The following TOP6BL variants were observed in gnomAD, a reference collection of about 807,000 sequenced individuals.
The protein encoded by TOP6BL is TOP6B like initiator of meiotic double strand breaks.
chr11:66,759,998 T>C, the TOP6BL span, among the ~76,000 whole-genome samples: 1 of 152,368 alleles, frequency 6.6e-6, no homozygotes, highest in East Asian at 1.9e-4. Context: ...TTATTTCTTA[T>C]GGTTGTTTGC....
chr11:66,835,313 C>A, the TOP6BL span, among the ~76,000 whole-genome samples: 1 of 130,532 alleles, frequency 7.7e-6, no homozygotes, highest in Admixed American at 7.5e-5. Context: ...TATCCTGTTT[C>A]TTTCTTTATG....
the TOP6BL span, chr11:66,839,010 C>CAAA: frequency 2.5e-5 from 10 of 404,976 alleles, no homozygotes; most frequent in East Asian, 7.3e-4. Flanking sequence ...GGATTACAGG[C>CAAA]GTGAGCCACC....
At chr11:66,827,340 G>A in the TOP6BL span, among the ~76,000 whole-genome samples, 50 of 152,016 alleles carry the variant, frequency 3.3e-4, no homozygotes, top group Non-Finnish European at 5.4e-4. Context: ...GTGAGCCACC[G>A]CGCCCAGCCC....
At chr11:66,823,294 C>CAAAAAAAA in the TOP6BL span, among the ~76,000 whole-genome samples, 3 of 41,282 alleles carry the variant, frequency 7.3e-5, no homozygotes, top group Non-Finnish European at 1.1e-4. Flanking sequence ...GACTCCACCT[C>CAAAAAAAA]AAAAAAAAAA....
At chr11:66,823,692 C>T in the TOP6BL span, among the ~76,000 whole-genome samples, 4 of 152,000 alleles carry the variant, frequency 2.6e-5, no homozygotes, top group South Asian at 4.2e-4. Flanking sequence ...TGGTGGTGCA[C>T]GCCTGTAGTC....
At chr11:66,808,911 A>G in the TOP6BL span, among the ~76,000 whole-genome samples, 10 of 152,232 alleles carry the variant, frequency 6.6e-5, no homozygotes, top group Admixed American at 6.5e-4. Context: ...CAATATTTAA[A>G]GAGTTAATGG....
At chr11:66,777,887 G>A in the TOP6BL span, among the ~76,000 whole-genome samples, 1 of 152,042 alleles carries the variant, frequency 6.6e-6, no homozygotes, top group African/African-American at 2.4e-5. Context: ...AAAAAGTTGT[G>A]TCTTGTAATG....
chr11:66,762,252 C>G, the TOP6BL span: 1 of 539,178 alleles, frequency 1.9e-6, no homozygotes, highest in Non-Finnish European at 3.4e-6. Context: ...CCGCAGAACA[C>G]GCGCGCAAAC....
At chr11:66,750,968 G>A in the TOP6BL span, among the ~76,000 whole-genome samples, 1 of 151,902 alleles carries the variant, frequency 6.6e-6, no homozygotes, top group East Asian at 1.9e-4. Flanking sequence ...GCCTCCCAAA[G>A]TGCTGGGATT....
chr11:66,784,636 C>T, the TOP6BL span, among the ~76,000 whole-genome samples: 1 of 152,230 alleles, frequency 6.6e-6, no homozygotes, highest in Non-Finnish European at 1.5e-5. Flanking sequence ...TGGAATCATA[C>T]AATATGTAGC....
At chr11:66,753,128 C>G in the TOP6BL span, among the ~76,000 whole-genome samples, 1 of 151,214 alleles carries the variant, frequency 6.6e-6, no homozygotes, top group Non-Finnish European at 1.5e-5. Context: ...GACTCCGTCT[C>G]CAAAAAAAAA....
At chr11:66,799,090 C>G in the TOP6BL span, among the ~76,000 whole-genome samples, 3 of 151,858 alleles carry the variant, frequency 2.0e-5, no homozygotes, top group African/African-American at 7.3e-5. Context: ...GCCTGTAATC[C>G]CAGCTACTCA....
the TOP6BL span, among the ~76,000 whole-genome samples, chr11:66,805,798 A>G: frequency 6.6e-6 from 1 of 152,126 alleles, no homozygotes; most frequent in Non-Finnish European, 1.5e-5. Context: ...TCTAAAATTG[A>G]TGGTGGTAGT....
At chr11:66,765,511 T>TTTTG in the TOP6BL span, among the ~76,000 whole-genome samples, 2 of 152,132 alleles carry the variant, frequency 1.3e-5, no homozygotes, top group Non-Finnish European at 2.9e-5. Flanking sequence ...TAGTTATTCT[T>TTTTG]TTTGTTTGTT....
At chr11:66,842,893 C>T in the TOP6BL span, 7 of 1,575,184 alleles carry the variant, frequency 4.4e-6, no homozygotes, top group South Asian at 5.8e-5. Context: ...GAGGGGCAGC[C>T]CCCGCATAGA....
chr11:66,748,560 G>T, the TOP6BL span: 1 of 1,423,690 alleles, frequency 7.0e-7, no homozygotes, highest in East Asian at 2.6e-5. Flanking sequence ...CTTTTGTCAT[G>T]GTTTATGTCG....
the TOP6BL span, among the ~76,000 whole-genome samples, chr11:66,841,800 TTAAAAAG>T: frequency 6.6e-6 from 1 of 152,042 alleles, no homozygotes; most frequent in Non-Finnish European, 1.5e-5. Context: ...GACCTCATCT[TTAAAAAG>T]TAAAAATTTA....
chr11:66,773,793 G>A, the TOP6BL span, among the ~76,000 whole-genome samples: 1 of 152,072 alleles, frequency 6.6e-6, no homozygotes, highest in African/African-American at 2.4e-5. Flanking sequence ...CTGGAGTGCA[G>A]TGGAGTGATC....
chr11:66,752,267 A>G, the TOP6BL span, among the ~76,000 whole-genome samples: 1 of 151,860 alleles, frequency 6.6e-6, no homozygotes, highest in African/African-American at 2.4e-5. Context: ...AAACATCTCC[A>G]CGTATACCTA....
Sources: allele counts gnomAD v4.1 joint callset (sites outside exome capture counted in the v4.1 genomes callset), GRCh38; gene constraint gnomAD v4.1.1; transcripts MANE v1.5; gene names NCBI Gene and HGNC (gene_info 2026-07-23, HGNC 2026-07-21).